The following SND1 variants were observed in gnomAD, a reference collection of about 807,000 sequenced individuals.
The protein encoded by SND1 is staphylococcal nuclease and tudor domain containing 1, also known as staphylococcal nuclease domain-containing protein 1.
A neutral mutation model predicts 121.7 loss-of-function variants in SND1; 38 were observed. The observed-to-expected ratio is 0.31, with a 90% CI of 0.24 to 0.41. The LOEUF is 0.41. Ranked by LOEUF, SND1 falls within the 10% of genes least tolerant of loss-of-function variation. The probability of loss-of-function intolerance (pLI) is 1.00; values close to 1 mark genes in which losing one functional copy is unlikely to be tolerated. For missense variants in SND1, 868 were observed against 1,184.6 expected, an observed-to-expected ratio of 0.73 and a Z score of 3.92; for synonymous variants, 401 against 447.4, an observed-to-expected ratio of 0.90 and a Z score of 1.31.
chr7:127,676,214 G>A (rs531121155), intron 1 of SND1, among the ~76,000 whole-genome samples: 1 of 152,160 alleles, frequency 6.6e-6, no homozygotes, highest in East Asian at 1.9e-4. Flanking sequence ...TGAGGATAAG[G>A]GTCCCTGTCC....
At chr7:128,075,628 C>G (rs1157877705) in intron 17 of SND1, among the ~76,000 whole-genome samples, 1 of 152,216 alleles carries the variant, frequency 6.6e-6, no homozygotes, top group East Asian at 1.9e-4. Flanking sequence ...TCTTCCCTTC[C>G]CCTGGGGATT....
intron 16 of SND1, among the ~76,000 whole-genome samples, chr7:128,044,419 A>T (rs963509520): frequency 1.3e-5 from 2 of 152,200 alleles, no homozygotes; most frequent in African/African-American, 2.4e-5. Flanking sequence ...GATAGGTAAG[A>T]TGAGCAGAAA....
chr7:127,710,893 AT>A, intron 9 of SND1, among the ~76,000 whole-genome samples: 1 of 152,344 alleles, frequency 6.6e-6, no homozygotes, highest in Middle Eastern at 3.4e-3. Flanking sequence ...GTCAGTATTT[AT>A]TTTAAGTGAT....
intron 10 of SND1, among the ~76,000 whole-genome samples, chr7:127,803,526 C>T (rs1798174502): frequency 6.6e-6 from 1 of 152,040 alleles, no homozygotes; most frequent in South Asian, 2.1e-4. Flanking sequence ...ATAAAATTTA[C>T]CATCTTCACC....
intron 16 of SND1, among the ~76,000 whole-genome samples, chr7:127,992,158 TG>T (rs1307438080): frequency 2.6e-5 from 4 of 152,226 alleles, no homozygotes; most frequent in Non-Finnish European, 4.4e-5. Flanking sequence ...ATTGGGGGAT[TG>T]GGGGGCTTAA....
chr7:127,864,697 T>C (rs1341916625), intron 12 of SND1, among the ~76,000 whole-genome samples: 1 of 152,208 alleles, frequency 6.6e-6, no homozygotes, highest in African/African-American at 2.4e-5. Flanking sequence ...TTTAATATGA[T>C]CTAATTGAAG....
rs1455978992 is a variant in SND1, at chr7:128,040,866, GC to G, written c.1780-33634del. On this transcript the variant is annotated intron_variant, in intron 16 of 23. Coordinates refer to ENST00000354725, the MANE Select transcript of SND1 (RefSeq NM_014390.4). ...TTTTCTTTAAACATCAGCATCTGTGGCCATCAAGCTGCCTTGCACAGTTTGC... is the reference window on the plus strand; with the variant it reads ...TTTTCTTTAAACATCAGCATCTGTGGCATCAAGCTGCCTTGCACAGTTTGC... Among the ~76,000 whole-genome samples, 7 of 152,288 alleles carry G rather than the reference GC, an allele frequency of 4.6e-5. No homozygotes were observed. In the East Asian group the frequency reaches 1.4e-3, roughly 29 times the overall value.
chr7:128,025,758 C>A (rs1803461817), intron 16 of SND1, among the ~76,000 whole-genome samples: 1 of 152,160 alleles, frequency 6.6e-6, no homozygotes, highest in South Asian at 2.1e-4. Flanking sequence ...AAGGAACTCT[C>A]CCTGCAGCTC....
At chr7:127,858,301 C>T (rs1227607802) in intron 12 of SND1, 1 of 987,600 alleles carries the variant, frequency 1.0e-6, no homozygotes, top group Non-Finnish European at 1.6e-6. Flanking sequence ...AACTGGGTCA[C>T]CCAGGCCCCT....
chr7:128,063,838 A>G (rs1793270246), intron 16 of SND1, among the ~76,000 whole-genome samples: 1 of 152,242 alleles, frequency 6.6e-6, no homozygotes, highest in Non-Finnish European at 1.5e-5. Context: ...GCATGTGCCA[A>G]GGCCTGGAAC....
chr7:127,710,355 TC>T (rs1461595001), intron 9 of SND1, among the ~76,000 whole-genome samples: 4 of 151,608 alleles, frequency 2.6e-5, no homozygotes, highest in African/African-American at 9.7e-5. Context: ...TCTATACCAG[TC>T]CTACTCAAAA....
intron 11 of SND1, among the ~76,000 whole-genome samples, chr7:127,811,129 G>A (rs1384700555): frequency 6.6e-6 from 1 of 152,186 alleles, no homozygotes; most frequent in Non-Finnish European, 1.5e-5. Context: ...ACTAACAGCA[G>A]CCTTTTTGTG....
chr7:127,850,639 A>C (rs943354491), intron 12 of SND1, among the ~76,000 whole-genome samples: 1 of 152,114 alleles, frequency 6.6e-6, no homozygotes, highest in East Asian at 1.9e-4. Context: ...GTTTTTTTCC[A>C]CTTAAATCAG....
At chr7:127,872,640 A>G (rs766798671) in intron 12 of SND1, among the ~76,000 whole-genome samples, 6,969 of 149,520 alleles carry the variant, frequency 0.047, 448 homozygotes, top group African/African-American at 0.15. Flanking sequence ...ACACACACAC[A>G]CACACACACA....
intron 14 of SND1, among the ~76,000 whole-genome samples, chr7:127,920,602 T>C (rs1252538086): frequency 6.6e-6 from 1 of 152,124 alleles, no homozygotes; most frequent in Non-Finnish European, 1.5e-5. Flanking sequence ...TCATGGAAGC[T>C]TTTCTATACA....
chr7:127,729,450 T>C, intron 10 of SND1, among the ~76,000 whole-genome samples: 1 of 150,502 alleles, frequency 6.6e-6, no homozygotes, highest in East Asian at 1.9e-4. Context: ...TTTTTTTTTT[T>C]TTTTTTTTTT....
intron 10 of SND1, among the ~76,000 whole-genome samples, chr7:127,791,478 CAT>C (rs1797908869): frequency 6.6e-6 from 1 of 152,064 alleles, no homozygotes; most frequent in East Asian, 1.9e-4. Context: ...TGTGGTAACA[CAT>C]ATATAACATA....
chr7:127,997,675 T>C (rs1215018554), intron 16 of SND1: 5 of 524,500 alleles, frequency 9.5e-6, no homozygotes, highest in East Asian at 5.5e-5. Context: ...CATATATTCT[T>C]GATAACCTCT....
intron 3 of SND1, among the ~76,000 whole-genome samples, chr7:127,695,786 A>G (rs1795997067): frequency 6.6e-6 from 1 of 152,280 alleles, no homozygotes; most frequent in East Asian, 1.9e-4. Flanking sequence ...TGATCATGCC[A>G]CTGCACTCTA....
Sources: allele counts gnomAD v4.1 joint callset (sites outside exome capture counted in the v4.1 genomes callset), GRCh38; gene constraint gnomAD v4.1.1; transcripts MANE v1.5; gene names NCBI Gene and HGNC (gene_info 2026-07-23, HGNC 2026-07-21).